The following TESK2 variants were observed in gnomAD, a reference collection of about 807,000 sequenced individuals.
The protein encoded by TESK2 is testis associated actin remodelling kinase 2.
In TESK2, 39 loss-of-function variants were observed where a neutral mutation model predicts 57.1. That is an observed-to-expected ratio of 0.68 (90% CI 0.53 to 0.89). The LOEUF (loss-of-function observed/expected upper bound fraction) is 0.89, where lower values mean the gene tolerates loss of function less well. Among genes scored for constraint, TESK2 ranks in the 40% least tolerant of loss-of-function variants. The pLI is 0.00. For missense variants in TESK2, 646 were observed against 732.1 expected (o/e 0.88, Z 1.36); for synonymous variants, 249 against 267.9 (o/e 0.93, Z 0.69).
At chr1:45,383,473 C>T (rs573037822) in intron 4 of TESK2, among the ~76,000 whole-genome samples, 3 of 152,264 alleles carry the variant, frequency 2.0e-5, no homozygotes, top group African/African-American at 7.2e-5. Context: ...AATAAATACT[C>T]TTCCATAAAG....
intron 3 of TESK2, among the ~76,000 whole-genome samples, chr1:45,400,104 G>C (rs949017741): frequency 1.3e-5 from 2 of 152,180 alleles, no homozygotes; most frequent in Non-Finnish European, 2.9e-5. Context: ...TTGCTGGTCA[G>C]AAGACTTTAA....
intron 2 of TESK2, among the ~76,000 whole-genome samples, chr1:45,454,401 T>C (rs1651990224): frequency 6.6e-6 from 1 of 152,036 alleles, no homozygotes; most frequent in Admixed American, 6.6e-5. Context: ...ACTGTTAAGA[T>C]AGTAAGAAAA....
chr1:45,444,975 A>T (rs1651590391), intron 2 of TESK2, among the ~76,000 whole-genome samples: 1 of 124,428 alleles, frequency 8.0e-6, no homozygotes. Flanking sequence ...CAGAGGTCAC[A>T]AGATTTGTAA....
intron 2 of TESK2, 134 bp from the exon 3 acceptor site, chr1:45,421,980 G>T: frequency 1.1e-6 from 1 of 880,848 alleles, no homozygotes; most frequent in Non-Finnish European, 1.7e-6. Context: ...TTACATTAAA[G>T]TATCACTTCC....
intron 2 of TESK2, among the ~76,000 whole-genome samples, chr1:45,453,237 C>T (rs1383454188): frequency 2.0e-5 from 3 of 150,632 alleles, no homozygotes; most frequent in African/African-American, 7.3e-5. Flanking sequence ...GTCCCAGCTA[C>T]TCGGGAGGCT....
chr1:45,471,869 G>A (rs535977468), intron 1 of TESK2, among the ~76,000 whole-genome samples: 3 of 152,024 alleles, frequency 2.0e-5, no homozygotes, highest in Non-Finnish European at 4.4e-5. Context: ...CTACAGCCTC[G>A]AACTCCTAAG....
rs556258885 is a variant in TESK2, at chr1:45,469,841, G to A, written c.-86-11970C>T. Among the ~76,000 whole-genome samples, 96 of 152,264 alleles carry A rather than the reference G, an allele frequency of 6.3e-4. 2 individuals are homozygous for A. The highest frequency in any genetic ancestry group is 2.1e-3 in the African/African-American group (89 of 41,566). The stretch of plus-strand genomic sequence containing the variant: ...TCCATTCTAATGCACAGTATCTGCT[G>A]TTTCTCACCCCTTCATTTCAGCAAA... On this transcript the variant is annotated intron_variant, in intron 1 of 10. Coordinates refer to ENST00000372086, the MANE Select transcript of TESK2 (RefSeq NM_007170.3).
intron 1 of TESK2, among the ~76,000 whole-genome samples, chr1:45,466,592 G>A (rs781063): frequency 0.2 from 30,777 of 151,458 alleles, 3,449 homozygotes; most frequent in Non-Finnish European, 0.26. Context: ...CAAGGCTGCA[G>A]TGAGCCATGA....
intron 1 of TESK2, among the ~76,000 whole-genome samples, chr1:45,465,982 A>G (rs769051529): frequency 1.3e-5 from 2 of 152,088 alleles, no homozygotes; most frequent in Non-Finnish European, 2.9e-5. Context: ...GAAGTTACTG[A>G]AAAAAAATTG....
At chr1:45,418,397 T>C (rs1241898342) in intron 3 of TESK2, among the ~76,000 whole-genome samples, 1 of 152,236 alleles carries the variant, frequency 6.6e-6, no homozygotes, top group East Asian at 1.9e-4. Context: ...AATTACCTTA[T>C]CATTCTAGTT....
At chr1:45,452,393 AC>A (rs1651906048) in intron 2 of TESK2, among the ~76,000 whole-genome samples, 1 of 152,224 alleles carries the variant, frequency 6.6e-6, no homozygotes, top group African/African-American at 2.4e-5. Flanking sequence ...AAAAAGAATT[AC>A]TATCAGGATA....
At chr1:45,377,857 C>T (rs1403419681) in intron 4 of TESK2, among the ~76,000 whole-genome samples, 1 of 151,674 alleles carries the variant, frequency 6.6e-6, no homozygotes, top group Non-Finnish European at 1.5e-5. Flanking sequence ...GAAAACATGT[C>T]TCTATTAAAA....
chr1:45,430,885 G>C (rs535417281), intron 2 of TESK2, among the ~76,000 whole-genome samples: 3 of 152,188 alleles, frequency 2.0e-5, no homozygotes, highest in Non-Finnish European at 4.4e-5. Flanking sequence ...TTAGCGTAAA[G>C]AGCTACAGTT....
At chr1:45,354,766 G>A (rs1647334298) in intron 5 of TESK2, among the ~76,000 whole-genome samples, 1 of 113,576 alleles carries the variant, frequency 8.8e-6, no homozygotes, top group Admixed American at 1.2e-4. Context: ...TCCAGCCTGA[G>A]TGACAAGGTG....
At chr1:45,383,526 C>A (rs1332877398) in intron 4 of TESK2, among the ~76,000 whole-genome samples, 2 of 152,166 alleles carry the variant, frequency 1.3e-5, no homozygotes, top group African/African-American at 4.8e-5. Flanking sequence ...AGCTAACAAG[C>A]AGCAGATTAA....
chr1:45,465,876 A>G (rs1414505503), intron 1 of TESK2, among the ~76,000 whole-genome samples: 1 of 152,234 alleles, frequency 6.6e-6, no homozygotes, highest in Non-Finnish European at 1.5e-5. Flanking sequence ...ATAAGTAGCA[A>G]TGTGAATGTA....
intron 4 of TESK2, among the ~76,000 whole-genome samples, chr1:45,369,805 G>GGT (rs1648102424): frequency 4.6e-5 from 7 of 151,696 alleles, no homozygotes; most frequent in Admixed American, 4.6e-4. Context: ...TCCACCTCCT[G>GGT]GGTTCAAGCA....
chr1:45,445,943 A>T (rs557612920), intron 2 of TESK2, among the ~76,000 whole-genome samples: 1 of 152,306 alleles, frequency 6.6e-6, no homozygotes, highest in South Asian at 2.1e-4. Flanking sequence ...TTGCAAGTAT[A>T]TTAGAAAAGT....
rs1653699609 is a variant in TESK2, at chr1:45,491,068, G to T, written c.-303C>A. On this transcript the variant is annotated 5_prime_UTR_variant, in exon 1 of 11. Coordinates refer to ENST00000372086, the MANE Select transcript of TESK2 (RefSeq NM_007170.3). ...CTGCCATGGCCCCACAGTCGGGGCC[G>T]CTCCCCCCGCCTGTTTGGCGGGGCC... The T allele has an allele frequency of 6.6e-6, 1 of 152,228 alleles. No homozygotes were observed. The highest frequency in any genetic ancestry group is 1.5e-5 in the Non-Finnish European group (1 of 68,070). 9.4% of individuals were successfully genotyped at this position (152,228 alleles called of 1,614,324 possible).
Sources: gnomAD v4.1 joint callset for allele counts (sites outside exome capture counted in the v4.1 genomes callset) on GRCh38, gnomAD v4.1.1 for gene constraint, MANE v1.5 for transcripts, NCBI Gene and HGNC (gene_info 2026-07-23, HGNC 2026-07-21) for gene names.